The following GALNTL6 variants were observed in gnomAD, a reference collection of about 807,000 sequenced individuals.
GALNTL6 encodes the protein polypeptide N-acetylgalactosaminyltransferase like 6.
In GALNTL6, 46 loss-of-function variants were observed where a neutral mutation model predicts 73.7. That is an observed-to-expected ratio of 0.62 (90% confidence interval 0.49 to 0.80). GALNTL6 has a LOEUF of 0.80. Among genes scored for constraint, GALNTL6 ranks in the 30% least tolerant of loss-of-function variants. GALNTL6 has a pLI of 0.00. For synonymous variants in GALNTL6, 259 were observed against 263.7 expected (o/e 0.98, Z 0.17); for missense variants, 604 against 755.0 (o/e 0.80, Z 2.34).
chr4:172,827,547 C>G (rs1438061174), intron 7 of GALNTL6, among the ~76,000 whole-genome samples: 2 of 152,198 alleles, frequency 1.3e-5, no homozygotes, highest in Admixed American at 6.5e-5. Context: ...GTCTTTGTCT[C>G]CCTACCACAC....
intron 2 of GALNTL6, among the ~76,000 whole-genome samples, chr4:172,091,668 C>A (rs1162368428): frequency 1.3e-5 from 2 of 152,126 alleles, no homozygotes; most frequent in Non-Finnish European, 2.9e-5. Context: ...ATAAAAGAGA[C>A]TCTTATTAAA....
At chr4:172,591,782 T>C (rs1323547463) in intron 5 of GALNTL6, among the ~76,000 whole-genome samples, 2 of 152,124 alleles carry the variant, frequency 1.3e-5, no homozygotes, top group African/African-American at 4.8e-5. Context: ...ACAAAGCGAG[T>C]TCAGTCTTAT....
chr4:172,873,254 A>G (rs1410577263), intron 7 of GALNTL6, among the ~76,000 whole-genome samples: 1 of 152,210 alleles, frequency 6.6e-6, no homozygotes, highest in African/African-American at 2.4e-5. Flanking sequence ...GTTCCCAATC[A>G]AAGCCATGCT....
At chr4:172,530,296 C>T (rs1579159267) in intron 5 of GALNTL6, among the ~76,000 whole-genome samples, 1 of 152,266 alleles carries the variant, frequency 6.6e-6, no homozygotes, top group East Asian at 1.9e-4. Flanking sequence ...AGATCATCTA[C>T]ACATGAAATG....
intron 7 of GALNTL6, among the ~76,000 whole-genome samples, chr4:172,838,816 A>G (rs1382898410): frequency 1.3e-5 from 2 of 152,208 alleles, no homozygotes; most frequent in East Asian, 1.9e-4. Context: ...TTGCCTAATT[A>G]TAATAAAAAA....
intron 10 of GALNTL6, among the ~76,000 whole-genome samples, chr4:172,990,118 A>G (rs547840367): frequency 1.3e-5 from 2 of 152,180 alleles, no homozygotes; most frequent in Non-Finnish European, 2.9e-5. Flanking sequence ...GTCAACTTTG[A>G]TTCCTTCAAG....
intron 5 of GALNTL6, among the ~76,000 whole-genome samples, chr4:172,365,764 G>A (rs1361011993): frequency 6.6e-6 from 1 of 151,152 alleles, no homozygotes; most frequent in East Asian, 1.9e-4. Context: ...TAACTTTTAA[G>A]TAAGGACAAA....
intron 5 of GALNTL6, among the ~76,000 whole-genome samples, chr4:172,731,767 T>A (rs1348478498): frequency 6.6e-6 from 1 of 152,148 alleles, no homozygotes; most frequent in Non-Finnish European, 1.5e-5. Context: ...CAAAATTTTT[T>A]AAAATTTCCT....
chr4:172,128,062 C>A (rs2111012234), intron 2 of GALNTL6, among the ~76,000 whole-genome samples: 1 of 151,962 alleles, frequency 6.6e-6, no homozygotes, highest in Admixed American at 6.6e-5. Context: ...CGAGATGGTG[C>A]CATTGCATAT....
chr4:172,343,795 T>G (rs1294766813), intron 4 of GALNTL6, among the ~76,000 whole-genome samples: 1 of 152,104 alleles, frequency 6.6e-6, no homozygotes, highest in African/African-American at 2.4e-5. Context: ...ATTTTTTTTT[T>G]GGATTTTTAA....
chr4:172,602,088 A>G (rs1738076861), intron 5 of GALNTL6, among the ~76,000 whole-genome samples: 1 of 152,130 alleles, frequency 6.6e-6, no homozygotes, highest in Non-Finnish European at 1.5e-5. Context: ...GAAAATATTC[A>G]TAACTTAGGA....
rs145906984 is a variant in GALNTL6, at chr4:171,971,773, T to A, written c.138+157055T>A. Among the ~76,000 whole-genome samples, 3 of 152,332 alleles carry A rather than the reference T, an allele frequency of 2.0e-5. No individual in the cohort carries two copies. The East Asian group carries it at 5.8e-4, about 29-fold the overall frequency. Reference sequence around the variant, plus strand: ...TGATATGTAACCAAAAATTGTTTTGTTGGATAACAAACTATGGCAAAACTT... The same window carrying A: ...TGATATGTAACCAAAAATTGTTTTGATGGATAACAAACTATGGCAAAACTT... On this transcript the variant is annotated intron_variant, in intron 2 of 12. Transcript: ENST00000506823.
At chr4:172,332,431 GTTCTT>G (rs1419482815) in intron 4 of GALNTL6, among the ~76,000 whole-genome samples, 2 of 151,446 alleles carry the variant, frequency 1.3e-5, no homozygotes, top group African/African-American at 4.8e-5. Flanking sequence ...TTTTAACCCA[GTTCTT>G]TTCATCATCC....
At chr4:172,085,414 A>G (rs1732002243) in intron 2 of GALNTL6, among the ~76,000 whole-genome samples, 1 of 152,124 alleles carries the variant, frequency 6.6e-6, no homozygotes, top group Non-Finnish European at 1.5e-5. Context: ...CATTACAGGC[A>G]TGGTGGTTCA....
chr4:172,441,138 C>T (rs962637901), intron 5 of GALNTL6, among the ~76,000 whole-genome samples: 1 of 152,046 alleles, frequency 6.6e-6, no homozygotes, highest in African/African-American at 2.4e-5. Flanking sequence ...TTTGCTCCAG[C>T]TGGCTACACA....
Position 172,809,359 on chromosome 4 carries a change from A to G in GALNTL6, c.554-2A>G. ...TCTATGCATTCTCTACTTCCTACCT[A>G]GAACACCTGAAGGATAAATTGGAAG... On this transcript the variant is annotated splice_acceptor_variant, in intron 5 of 12. Coordinates refer to ENST00000506823, the MANE Select transcript of GALNTL6 (RefSeq NM_001034845.3). LOFTEE classifies it high-confidence loss of function. This position sits in a 1 kb window ranked among gnomAD's most constrained non-coding sequence, Gnocchi z 4.4. 2 of 1,612,882 alleles carry G rather than the reference A, an allele frequency of 1.2e-6. No homozygotes were observed. Among genetic ancestry groups the G allele is most frequent in the Non-Finnish European group, 1.7e-6 (2 of 1,179,254 alleles).
intron 2 of GALNTL6, among the ~76,000 whole-genome samples, chr4:172,155,026 C>T (rs1435513907): frequency 1.4e-5 from 2 of 147,314 alleles, no homozygotes; most frequent in Non-Finnish European, 3.0e-5. Flanking sequence ...GAGACGTAGT[C>T]TCGCTCTGTT....
intron 5 of GALNTL6, among the ~76,000 whole-genome samples, chr4:172,643,735 C>T (rs945167895): frequency 1.3e-5 from 2 of 151,946 alleles, no homozygotes; most frequent in African/African-American, 4.8e-5. Context: ...CATCATTATG[C>T]ACAGTTGTAA....
intron 2 of GALNTL6, among the ~76,000 whole-genome samples, chr4:172,113,472 A>G (rs1251494079): frequency 1.3e-5 from 2 of 152,058 alleles, no homozygotes; most frequent in African/African-American, 2.4e-5. Context: ...TTCTTTTTCT[A>G]TAGACAGTAC....
Sources: gnomAD v4.1 joint callset for allele counts (sites outside exome capture counted in the v4.1 genomes callset) on GRCh38, gnomAD v4.1.1 for gene constraint, Gnocchi (gnomAD v3.1) non-coding constraint, MANE v1.5 for transcripts, NCBI Gene and HGNC (gene_info 2026-07-23, HGNC 2026-07-21) for gene names.